Variants in SLC6A15 observed in about 807,000 individuals in gnomAD.
The protein encoded by SLC6A15 is sodium-dependent neutral amino acid transporter B(0)AT2.
A neutral mutation model predicts 68.5 loss-of-function variants in SLC6A15; 33 were observed. That is an observed-to-expected ratio of 0.48 (90% CI 0.37 to 0.64). The LOEUF (loss-of-function observed/expected upper bound fraction) is 0.64, where lower values mean the gene tolerates loss of function less well. Ranked by LOEUF, SLC6A15 falls within the 30% of genes least tolerant of loss-of-function variation. The pLI, the probability that SLC6A15 is intolerant of heterozygous loss-of-function variation, is 0.00. For synonymous variants in SLC6A15, 347 were observed against 301.0 expected, an observed-to-expected ratio of 1.15 and a Z score of -1.58; for missense variants, 747 against 874.3, an observed-to-expected ratio of 0.85 and a Z score of 1.84.
chr12:84,905,038 A>G (rs1323371631), intron 1 of SLC6A15, among the ~76,000 whole-genome samples: 1 of 152,218 alleles, frequency 6.6e-6, no homozygotes, highest in Non-Finnish European at 1.5e-5. Context: ...ATAGAAGATG[A>G]TAGAATAATT....
At chr12:84,862,991 G>C (rs1565718639) in intron 11 of SLC6A15, among the ~76,000 whole-genome samples, 1 of 152,052 alleles carries the variant, frequency 6.6e-6, no homozygotes. Context: ...GGGATTCTCT[G>C]TGTTGCACAG....
intron 7 of SLC6A15, 42 bp downstream of exon 7, chr12:84,873,045 T>C: frequency 1.3e-6 from 2 of 1,591,920 alleles, no homozygotes; most frequent in Non-Finnish European, 8.5e-7. Context: ...AATAACAAGA[T>C]AAAAACTAAG....
intron 9 of SLC6A15, among the ~76,000 whole-genome samples, chr12:84,869,960 C>T (rs546998458): frequency 5.9e-5 from 9 of 151,970 alleles, no homozygotes; most frequent in Admixed American, 2.0e-4. Flanking sequence ...GTAAATTGGA[C>T]CTATTAACTA....
intron 5 of SLC6A15, among the ~76,000 whole-genome samples, chr12:84,880,641 A>G (rs1871779579): frequency 6.6e-6 from 1 of 152,194 alleles, no homozygotes; most frequent in Non-Finnish European, 1.5e-5. Flanking sequence ...ACATTGTCCA[A>G]GAAGTATACA....
intron 11 of SLC6A15, 66 bp downstream of exon 11, chr12:84,863,373 A>C: frequency 1.6e-6 from 2 of 1,234,024 alleles, no homozygotes; most frequent in Non-Finnish European, 2.2e-6. Flanking sequence ...GAGACAAAAG[A>C]AAAAGCCCTC....
At chr12:84,889,684 T>C (rs1872299997) in intron 2 of SLC6A15, among the ~76,000 whole-genome samples, 1 of 152,176 alleles carries the variant, frequency 6.6e-6, no homozygotes, top group Admixed American at 6.5e-5. Context: ...ACATTACCTG[T>C]AGCTATTAAT....
intron 10 of SLC6A15, among the ~76,000 whole-genome samples, chr12:84,866,335 C>T (rs1299348631): frequency 1.3e-5 from 2 of 152,118 alleles, no homozygotes; most frequent in Admixed American, 6.6e-5. Flanking sequence ...ACACTTTTCA[C>T]ATCAGTGTAC....
At position 84,859,700 on chromosome 12, in the gene SLC6A15, T is replaced by C. The variant is rs1212692661; in HGVS notation, c.*1932A>G. 2.6e-5 allele frequency: 4 copies of C among 152,026 alleles called. No homozygotes were observed. Among genetic ancestry groups the C allele is most frequent in the African/African-American group, 9.7e-5 (4 of 41,432 alleles). 9.4% of individuals were successfully genotyped at this position (152,026 alleles called of 1,614,324 possible). The stretch of plus-strand genomic sequence containing the variant: ...TAAAGATTAGGGTACCATATAAAAA[T>C]ATTGCCTCAACACAAAAATAAACAA... On this transcript the variant is annotated 3_prime_UTR_variant, in exon 12 of 12. Transcript: ENST00000266682.
chr12:84,870,375 T>C (rs1191817450), intron 9 of SLC6A15, 103 bp downstream of exon 9: 3 of 608,856 alleles, frequency 4.9e-6, no homozygotes, highest in Non-Finnish European at 7.6e-6. Flanking sequence ...TAGACATTAA[T>C]AAAACTCAAA....
intron 1 of SLC6A15, among the ~76,000 whole-genome samples, chr12:84,908,162 A>G (rs1197431628): frequency 1.3e-5 from 2 of 152,156 alleles, no homozygotes; most frequent in East Asian, 3.8e-4. Flanking sequence ...TATAGTTATT[A>G]CAAAATGTTA....
At chr12:84,873,035 A>C (rs1871356614) in intron 7 of SLC6A15, 52 bp downstream of exon 7, 2 of 1,569,966 alleles carry the variant, frequency 1.3e-6, no homozygotes, top group East Asian at 4.6e-5. Flanking sequence ...TAAAAGTATA[A>C]ATAACAAGAT....
At chr12:84,868,111 C>T (rs1027181410) in intron 9 of SLC6A15, among the ~76,000 whole-genome samples, 2 of 152,050 alleles carry the variant, frequency 1.3e-5, no homozygotes, top group East Asian at 1.9e-4. Context: ...ATCATATGAA[C>T]ACTCCCTAAC....
chr12:84,869,507 C>T (rs1871202255), intron 9 of SLC6A15, among the ~76,000 whole-genome samples: 1 of 150,424 alleles, frequency 6.6e-6, no homozygotes, highest in African/African-American at 2.4e-5. Context: ...AATTGCACAC[C>T]ACTGCCCAGC....
At position 84,859,558 on chromosome 12, in the gene SLC6A15, C is replaced by T. The variant is rs1009291826; in HGVS notation, c.*2074G>A. 1 of 151,400 alleles carries T rather than the reference C, an allele frequency of 6.6e-6. No homozygotes were observed. Among genetic ancestry groups the T allele is most frequent in the Admixed American group, 6.6e-5 (1 of 15,194 alleles). The allele number at this position is 151,400 out of a possible 1,614,324, so 9.4% of individuals were successfully genotyped here. A position where few individuals can be genotyped will look rare whatever the true frequency, so the allele number is the denominator to read the frequency against. On this transcript the variant is annotated 3_prime_UTR_variant, in exon 12 of 12. Coordinates refer to ENST00000266682, the MANE Select transcript of SLC6A15 (RefSeq NM_182767.6). Reference sequence around the variant, plus strand: ...ATACATCAAAACAGCATGTTGTACACCTTAGATGTATACTTTTTTTTTTAA... The same window carrying T: ...ATACATCAAAACAGCATGTTGTACATCTTAGATGTATACTTTTTTTTTTAA...
intron 2 of SLC6A15, among the ~76,000 whole-genome samples, chr12:84,890,041 T>C (rs76920718): frequency 0.041 from 6,180 of 152,184 alleles, 404 homozygotes; most frequent in African/African-American, 0.14. Context: ...GGTTGTTTAG[T>C]CAGAAGATAT....
chr12:84,873,367 A>G (rs1303863473), intron 6 of SLC6A15, 39 bp from the exon 7 acceptor site: 4 of 1,591,074 alleles, frequency 2.5e-6, no homozygotes, highest in Non-Finnish European at 3.4e-6. Context: ...GCTACAAAAT[A>G]ATGTTTCAGA....
chr12:84,898,921 A>G (rs768768540), intron 1 of SLC6A15, among the ~76,000 whole-genome samples: 2 of 152,212 alleles, frequency 1.3e-5, no homozygotes, highest in African/African-American at 2.4e-5. Context: ...TCTCTGAATT[A>G]GCAGTGTGAA....
At chr12:84,866,171 A>G (rs191411912) in intron 10 of SLC6A15, among the ~76,000 whole-genome samples, 58 of 152,242 alleles carry the variant, frequency 3.8e-4, no homozygotes, top group African/African-American at 1.3e-3. Flanking sequence ...ATGCATTACT[A>G]CTTTACATAG....
rs746213024 is a variant in SLC6A15 at position 84,863,442 on chromosome 12, A to T, written c.1815T>A (p.Asp605Glu). Residue 605 changes from aspartate (D) to glutamate (E), a missense_variant, in exon 11 of 12, where the codon GAT becomes GAA. Physicochemically the swap from Asp to Glu is conservative, Grantham distance 45 (BLOSUM62 2). Transcript: ENST00000266682. ...AATTCCCTTATTTTGTATTTACCTT[A>T]TCTTCAATCCATGCGTTATAGCCAG... is the stretch of plus-strand genomic sequence containing the variant. ...SPPGYNAWIE[D>E]KASEEFLSYP... The T allele has an allele frequency of 3.8e-6, 6 of 1,561,928 alleles. No homozygotes were observed. The highest frequency in any genetic ancestry group is 3.7e-5 in the South Asian group (3 of 80,776).
Sources: gnomAD v4.1 joint callset for allele counts (sites outside exome capture counted in the v4.1 genomes callset) on GRCh38, gnomAD v4.1.1 for gene constraint, MANE v1.5 for transcripts, NCBI Gene and HGNC (gene_info 2026-07-23, HGNC 2026-07-21) for gene names.